The following HHAT variants were observed in gnomAD, a reference collection of about 807,000 sequenced individuals.
HHAT encodes protein-cysteine N-palmitoyltransferase HHAT.
Under a neutral mutation model 70.8 loss-of-function variants are expected in HHAT, and 47 were observed. The observed-to-expected ratio is 0.66, with a 90% confidence interval of 0.53 to 0.85. The LOEUF (loss-of-function observed/expected upper bound fraction) is 0.85, where lower values mean the gene tolerates loss of function less well. Among genes scored for constraint, HHAT ranks in the 40% least tolerant of loss-of-function variants. The probability of loss-of-function intolerance (pLI) is 0.00; values close to 1 mark genes in which losing one functional copy is unlikely to be tolerated. For missense variants in HHAT, 609 were observed against 604.8 expected, an observed-to-expected ratio of 1.01 and a Z score of -0.07; for synonymous variants, 228 against 247.6, an observed-to-expected ratio of 0.92 and a Z score of 0.74.
At chr1:210,364,887 C>G (rs1194137399) in intron 3 of HHAT, among the ~76,000 whole-genome samples, 1 of 152,200 alleles carries the variant, frequency 6.6e-6, no homozygotes, top group Non-Finnish European at 1.5e-5. Flanking sequence ...CTGGGAGCTC[C>G]AAGGATTCCG....
intron 5 of HHAT, among the ~76,000 whole-genome samples, chr1:210,403,053 A>G (rs2092153094): frequency 6.6e-6 from 1 of 152,204 alleles, no homozygotes; most frequent in Admixed American, 6.5e-5. Flanking sequence ...CAAACGGGAT[A>G]ATCTATGTTA....
chr1:210,478,532 C>T (rs1157370398), intron 8 of HHAT, among the ~76,000 whole-genome samples: 1 of 152,130 alleles, frequency 6.6e-6, no homozygotes. Flanking sequence ...CTAAGAAAAT[C>T]TTTAGCAGCC....
intron 5 of HHAT, among the ~76,000 whole-genome samples, chr1:210,403,805 ATTTCC>A (rs1270789327): frequency 2.6e-5 from 4 of 151,760 alleles, no homozygotes; most frequent in African/African-American, 4.8e-5. Context: ...ATTTTATTGT[ATTTCC>A]TTCTCATTTT....
chr1:210,570,976 T>C (rs1407214903), intron 9 of HHAT, among the ~76,000 whole-genome samples: 1 of 152,218 alleles, frequency 6.6e-6, no homozygotes. Context: ...ACAGTCAGCC[T>C]TCTCTCCTGG....
Position 210,427,456 on chromosome 1 carries a change from C to G in HHAT, c.856+9131C>G, listed in dbSNP as rs552875814. Among the ~76,000 whole-genome samples the G allele has an allele frequency of 7.2e-5, 11 of 152,192 alleles. 1 individual carries two copies. The South Asian group carries it at 2.3e-3, about 32-fold the overall frequency. On this transcript the variant is annotated intron_variant, in intron 7 of 11. Coordinates refer to ENST00000261458, the MANE Select transcript of HHAT (RefSeq NM_018194.6). ...TAGGTGTTTAGTGCTATAACTTTCC[C>G]TCTTAACATTGCCTTAGCCGTGTCC...
intron 3 of HHAT, among the ~76,000 whole-genome samples, chr1:210,374,763 C>CTTT (rs34145775): frequency 4.3e-5 from 6 of 140,424 alleles, no homozygotes; most frequent in Admixed American, 4.3e-4. Context: ...AGTGGGGAAT[C>CTTT]TTTTTTTTTT....
At chr1:210,520,190 T>C (rs1343528435) in intron 9 of HHAT, among the ~76,000 whole-genome samples, 1 of 152,042 alleles carries the variant, frequency 6.6e-6, no homozygotes, top group African/African-American at 2.4e-5. Context: ...TAATTTTTTG[T>C]ATTTTTAGTA....
At chr1:210,396,761 A>G (rs2091811526) in intron 4 of HHAT, among the ~76,000 whole-genome samples, 1 of 152,236 alleles carries the variant, frequency 6.6e-6, no homozygotes. Context: ...CTCAGCAATG[A>G]AAAGGAGCAA....
chr1:210,424,167 G>A (rs2092988678), intron 7 of HHAT, among the ~76,000 whole-genome samples: 1 of 152,082 alleles, frequency 6.6e-6, no homozygotes, highest in Non-Finnish European at 1.5e-5. Context: ...CAATCCATGA[G>A]CATGGGTTGT....
chr1:210,386,222 C>CTTTTTTCTTTTTTTTTTT (rs1558409107), intron 3 of HHAT, among the ~76,000 whole-genome samples: 2 of 69,884 alleles, frequency 2.9e-5, no homozygotes, highest in African/African-American at 1.1e-4. Context: ...GAGTCCTTTT[C>CTTTTTTCTTTTTTTTTTT]TTTTTTTCTT....
At chr1:210,429,012 A>G (rs543482355) in intron 7 of HHAT, among the ~76,000 whole-genome samples, 2 of 151,958 alleles carry the variant, frequency 1.3e-5, no homozygotes, top group African/African-American at 4.9e-5. Flanking sequence ...CGCTCCGGCA[A>G]AAGACAAAGC....
chr1:210,464,794 A>G, intron 8 of HHAT, 139 bp downstream of exon 8: 5 of 797,580 alleles, frequency 6.3e-6, no homozygotes, highest in East Asian at 2.7e-5. Context: ...TCTTCATCCT[A>G]CTAACAGGAT....
intron 11 of HHAT, among the ~76,000 whole-genome samples, chr1:210,625,147 T>C (rs981875989): frequency 6.6e-6 from 1 of 152,232 alleles, no homozygotes; most frequent in Non-Finnish European, 1.5e-5. Flanking sequence ...TTCTGTGCGA[T>C]GTTTTAGCTG....
intron 2 of HHAT, among the ~76,000 whole-genome samples, chr1:210,361,991 A>G (rs1460590081): frequency 1.3e-5 from 2 of 152,172 alleles, no homozygotes; most frequent in African/African-American, 2.4e-5. Context: ...AGTAAGCCCC[A>G]GGAAGACAAA....
chr1:210,525,893 T>C (rs941173006), intron 9 of HHAT, among the ~76,000 whole-genome samples: 2 of 152,226 alleles, frequency 1.3e-5, no homozygotes, highest in Non-Finnish European at 2.9e-5. Flanking sequence ...GCAGATGGGT[T>C]ATTTACTTGA....
intron 8 of HHAT, among the ~76,000 whole-genome samples, chr1:210,504,986 C>A (rs755639725): frequency 1.3e-5 from 2 of 150,272 alleles, no homozygotes; most frequent in South Asian, 4.2e-4. Context: ...CCAACAACCA[C>A]CTCCTGGGTT....
At chr1:210,671,194 C>T (rs1391479226) in intron 11 of HHAT, among the ~76,000 whole-genome samples, 2 of 152,216 alleles carry the variant, frequency 1.3e-5, no homozygotes, top group East Asian at 1.9e-4. Context: ...CCCATCTTCA[C>T]AGCTGGCCTC....
intron 9 of HHAT, among the ~76,000 whole-genome samples, chr1:210,522,825 C>A (rs920403971): frequency 1.3e-5 from 2 of 151,818 alleles, no homozygotes; most frequent in Non-Finnish European, 1.5e-5. Flanking sequence ...AATCCTGGCA[C>A]GCTCTCTTTC....
At chr1:210,342,775 TGAGA>T (rs923328221) in intron 1 of HHAT, among the ~76,000 whole-genome samples, 17 of 152,194 alleles carry the variant, frequency 1.1e-4, no homozygotes, top group African/African-American at 4.1e-4. Flanking sequence ...GGTAATTTTG[TGAGA>T]GAGTTTTTGG....
Sources: gnomAD v4.1 joint callset for allele counts (sites outside exome capture counted in the v4.1 genomes callset) on GRCh38, gnomAD v4.1.1 for gene constraint, MANE v1.5 for transcripts, NCBI Gene and HGNC (gene_info 2026-07-23, HGNC 2026-07-21) for gene names.